TNIK: variants seen among roughly 807,000 people sequenced by gnomAD.
TNIK encodes the protein TRAF2 and NCK interacting kinase.
Under a neutral mutation model 191.3 loss-of-function variants are expected in TNIK, and 49 were observed. That is an observed-to-expected ratio of 0.26 (90% CI 0.20 to 0.32). TNIK has a LOEUF of 0.32. TNIK is among the 10% of genes least tolerant of loss of function. TNIK has a pLI of 1.00. For synonymous variants in TNIK, 594 were observed against 600.9 expected (o/e 0.99, Z 0.17); for missense variants, 1,155 against 1,702.3 (o/e 0.68, Z 5.66).
chr3:171,102,985 T>A (rs1332254880), intron 21 of TNIK, among the ~76,000 whole-genome samples: 1 of 152,200 alleles, frequency 6.6e-6, no homozygotes, highest in Admixed American at 6.5e-5. Context: ...ACTTTAGGTG[T>A]TTTACGTGGT....
chr3:171,352,700 C>T (rs1031596555), intron 2 of TNIK, among the ~76,000 whole-genome samples: 2 of 152,092 alleles, frequency 1.3e-5, no homozygotes, highest in African/African-American at 4.8e-5. Flanking sequence ...AGCATATCAA[C>T]AAGAATAAAC....
At chr3:171,433,735 T>A (rs1725657111) in intron 1 of TNIK, among the ~76,000 whole-genome samples, 1 of 152,102 alleles carries the variant, frequency 6.6e-6, no homozygotes, top group African/African-American at 2.4e-5. Flanking sequence ...TTTATTGAAA[T>A]TCCATATTAA....
chr3:171,332,140 T>G (rs1756474757), intron 2 of TNIK, among the ~76,000 whole-genome samples: 1 of 152,254 alleles, frequency 6.6e-6, no homozygotes, highest in African/African-American at 2.4e-5. Context: ...TATCTAACTG[T>G]GTGTATATGA....
chr3:171,065,504 C>T (rs1274794509), intron 32 of TNIK, among the ~76,000 whole-genome samples: 1 of 152,220 alleles, frequency 6.6e-6, no homozygotes, highest in Non-Finnish European at 1.5e-5. Context: ...GATGAATTCA[C>T]AAATGCAGTA....
intron 1 of TNIK, among the ~76,000 whole-genome samples, chr3:171,432,949 A>G (rs931670586): frequency 6.6e-6 from 1 of 152,184 alleles, no homozygotes; most frequent in Non-Finnish European, 1.5e-5. Flanking sequence ...AACAAAAAAT[A>G]AGAAGCATAT....
intron 18 of TNIK, among the ~76,000 whole-genome samples, chr3:171,113,123 C>T (rs1726102072): frequency 1.3e-5 from 2 of 152,136 alleles, no homozygotes. Context: ...AAAGTGACTA[C>T]TGAGGTAGAA....
At chr3:171,309,627 A>G (rs2108296375) in intron 2 of TNIK, among the ~76,000 whole-genome samples, 1 of 152,316 alleles carries the variant, frequency 6.6e-6, no homozygotes, top group East Asian at 1.9e-4. Flanking sequence ...ATTGGTAGAT[A>G]TAACTAACAT....
intron 15 of TNIK, 24 bp downstream of exon 15, chr3:171,138,167 G>A: frequency 6.5e-7 from 1 of 1,544,430 alleles, no homozygotes; most frequent in Non-Finnish European, 8.7e-7. Flanking sequence ...GGCCAACAGG[G>A]TGAGGCTACC....
At chr3:171,221,584 G>A (rs189912285) in intron 3 of TNIK, among the ~76,000 whole-genome samples, 121 of 152,226 alleles carry the variant, frequency 7.9e-4, no homozygotes, top group African/African-American at 2.6e-3. Context: ...TAAAATATAA[G>A]ATTCCAGAAG....
chr3:171,297,988 A>T (rs1283626592), intron 2 of TNIK, among the ~76,000 whole-genome samples: 1 of 152,244 alleles, frequency 6.6e-6, no homozygotes, highest in African/African-American at 2.4e-5. Flanking sequence ...AAAGGGATTT[A>T]GTTCCTTACA....
At chr3:171,457,177 C>G (rs1728887922) in intron 1 of TNIK, among the ~76,000 whole-genome samples, 1 of 152,224 alleles carries the variant, frequency 6.6e-6, no homozygotes, top group Admixed American at 6.5e-5. Context: ...CACTTTTAAA[C>G]CATGCAAATC....
chr3:171,249,770 CTT>C (rs1746025605), intron 2 of TNIK, among the ~76,000 whole-genome samples: 1 of 152,188 alleles, frequency 6.6e-6, no homozygotes, highest in Non-Finnish European at 1.5e-5. Flanking sequence ...TTCATCCACT[CTT>C]GAGGCAAGTA....
chr3:171,319,507 T>C (rs569543870), intron 2 of TNIK, among the ~76,000 whole-genome samples: 168 of 152,054 alleles, frequency 1.1e-3, no homozygotes, highest in South Asian at 2.3e-3. Context: ...TGGGAAGATT[T>C]GGGGGAAAAA....
chr3:171,231,679 A>G (rs1743669292), intron 2 of TNIK, among the ~76,000 whole-genome samples: 1 of 152,210 alleles, frequency 6.6e-6, no homozygotes. Flanking sequence ...ATCCAGATTA[A>G]GGCAGACTTG....
intron 7 of TNIK, among the ~76,000 whole-genome samples, chr3:171,184,604 T>G (rs1388983402): frequency 6.6e-6 from 1 of 152,186 alleles, no homozygotes; most frequent in African/African-American, 2.4e-5. Context: ...GGACCTTTGT[T>G]TGAATCTCAG....
chr3:171,433,429 A>C (rs1725614498), intron 1 of TNIK, among the ~76,000 whole-genome samples: 1 of 152,200 alleles, frequency 6.6e-6, no homozygotes, highest in South Asian at 2.1e-4. Flanking sequence ...AAAGTAAAAC[A>C]AACAAAACAC....
chr3:171,405,060 A>G (rs537211692), intron 1 of TNIK, among the ~76,000 whole-genome samples: 30 of 152,314 alleles, frequency 2.0e-4, no homozygotes, highest in Middle Eastern at 3.4e-3. Flanking sequence ...GGTCTTCCCA[A>G]TAGTTCTTCT....
intron 3 of TNIK, among the ~76,000 whole-genome samples, chr3:171,227,218 A>C (rs1743074009): frequency 6.6e-6 from 1 of 152,202 alleles, no homozygotes. Context: ...AAAAGGATCG[A>C]AAACATTAGA....
intron 2 of TNIK, among the ~76,000 whole-genome samples, chr3:171,344,845 G>A (rs1711905126): frequency 6.6e-6 from 1 of 152,126 alleles, no homozygotes; most frequent in South Asian, 2.1e-4. Context: ...ATTTTCTGGA[G>A]TGAGAATATT....
Sources: allele counts gnomAD v4.1 joint callset (sites outside exome capture counted in the v4.1 genomes callset), GRCh38; gene constraint gnomAD v4.1.1; transcripts MANE v1.5; gene names NCBI Gene and HGNC (gene_info 2026-07-23, HGNC 2026-07-21).